ECPAS: variants seen among roughly 807,000 people sequenced by gnomAD.
ECPAS encodes proteasome adapter and scaffold protein ECM29.
A neutral mutation model predicts 255.1 loss-of-function variants in ECPAS; 70 were observed. The observed-to-expected ratio is 0.27, with a 90% CI of 0.23 to 0.33. The LOEUF is 0.33. Among genes scored for constraint, ECPAS ranks in the 10% least tolerant of loss-of-function variants. The pLI, the probability that ECPAS is intolerant of heterozygous loss-of-function variation, is 1.00. For missense variants in ECPAS, 1,817 were observed against 2,206.4 expected, an observed-to-expected ratio of 0.82 and a Z score of 3.54; for synonymous variants, 784 against 775.0, an observed-to-expected ratio of 1.01 and a Z score of -0.19.
In ECPAS at chr9:111,472,898, T is replaced by A. The variant is rs1221509121; in HGVS notation, c.21A>T (p.Arg7Ser). Residue 7 changes from arginine to serine, a missense_variant and splice_region_variant, in exon 2 of 50, where the codon AGA becomes AGT. Physicochemically the swap from Arg to Ser is moderately radical, Grantham distance 110. Coordinates refer to ENST00000684092, the MANE Select transcript of ECPAS (RefSeq NM_001364929.1). ...TCCTAAGGAACTAAATCTACTAACC[T>A]CTACAATCAATGTGATACATGGTTT... Reference protein sequence around the residue: MYHIDCRDQLERVFLRL... With the variant: MYHIDCSDQLERVFLRL... 2 of 1,211,332 alleles carry A rather than the reference T, an allele frequency of 1.7e-6. No individual in the cohort carries two copies. Among genetic ancestry groups the A allele is most frequent in the African/African-American group, 1.6e-5 (1 of 62,206 alleles). 75.0% of individuals were successfully genotyped at this position (1,211,332 alleles called of 1,614,324 possible). A position where few individuals can be genotyped will look rare whatever the true frequency, so the allele number is the denominator to read the frequency against.
chr9:111,369,521 G>C (rs186461100), intron 45 of ECPAS, among the ~76,000 whole-genome samples: 1 of 152,184 alleles, frequency 6.6e-6, no homozygotes. Flanking sequence ...TAGAGAAACA[G>C]AGGCTAAGAG....
At chr9:111,402,650 T>C (rs1033921689) in intron 24 of ECPAS, among the ~76,000 whole-genome samples, 9 of 152,070 alleles carry the variant, frequency 5.9e-5, no homozygotes, top group Non-Finnish European at 1.3e-4. Flanking sequence ...AAGATACAAG[T>C]TGAGAAAACA....
At chr9:111,483,518 G>C in intron 1 of ECPAS, 5 of 979,150 alleles carry the variant, frequency 5.1e-6, no homozygotes, top group Non-Finnish European at 6.0e-6. Flanking sequence ...CTCATCCTGG[G>C]AGGCGGAGGC....
intron 10 of ECPAS, among the ~76,000 whole-genome samples, chr9:111,426,426 T>C (rs974002540): frequency 4.6e-5 from 7 of 151,602 alleles, no homozygotes; most frequent in Non-Finnish European, 7.4e-5. Context: ...AGTATTCTGA[T>C]CTTATTTAAC....
In ECPAS at chr9:111,373,952, A is replaced by G. The variant is rs763692284; in HGVS notation, c.4177+20T>C. The G allele has an allele frequency of 1.8e-5, 28 of 1,589,862 alleles. No individual in the cohort carries two copies. The highest frequency in any genetic ancestry group is 6.9e-6 in the Non-Finnish European group (8 of 1,158,102). Reference sequence around the variant, plus strand: ...CAGGGCTGTGCAAAAATATCACCACACATCCCTTGACAAACTCACCTGAGT... The same window carrying G: ...CAGGGCTGTGCAAAAATATCACCACGCATCCCTTGACAAACTCACCTGAGT... On this transcript the variant is annotated intron_variant, in intron 39 of 49. Transcript: ENST00000684092.
Position 111,425,757 on chromosome 9 carries a change from A to G in ECPAS, c.1122T>C (p.His374=), listed in dbSNP as rs2098220627. The change falls in exon 11 of 50, where the codon CAT becomes CAC. Residue 374 remains histidine, a synonymous_variant. Coordinates refer to ENST00000684092, the MANE Select transcript of ECPAS (RefSeq NM_001364929.1). ...TAAAGACTTACGTTATACAAATATG[A>G]TGCACAAATTGCAGGGATAATGTTC... The part of the protein sequence containing the change: ...KLRTLSLQFV[H]HICITCPEIK... The G allele has an allele frequency of 6.3e-7, 1 of 1,575,744 alleles. No homozygotes were observed.
intron 1 of ECPAS, among the ~76,000 whole-genome samples, chr9:111,478,767 T>C (rs186694956): frequency 1.3e-5 from 2 of 152,330 alleles, no homozygotes; most frequent in Admixed American, 1.3e-4. Flanking sequence ...ACATATGATA[T>C]TACTTTAGTA....
chr9:111,461,889 T>C (rs772021084), intron 2 of ECPAS, among the ~76,000 whole-genome samples: 9 of 152,150 alleles, frequency 5.9e-5, no homozygotes, highest in Non-Finnish European at 1.2e-4. Flanking sequence ...AGGGACAGCT[T>C]GTACAGGCAA....
chr9:111,479,190 A>T (rs1392898361), intron 1 of ECPAS, among the ~76,000 whole-genome samples: 2 of 152,214 alleles, frequency 1.3e-5, no homozygotes, highest in Non-Finnish European at 2.9e-5. Context: ...AGCATTTAAA[A>T]CAATGCTGGT....
Position 111,433,341 on chromosome 9 carries a change from G to C in ECPAS, c.740C>G (p.Ala247Gly), listed in dbSNP as rs752689961. 1 of 1,614,012 alleles carries C rather than the reference G, an allele frequency of 6.2e-7. No individual in the cohort carries two copies. The highest frequency in any genetic ancestry group is 8.5e-7 in the Non-Finnish European group (1 of 1,179,858). Residue 247 changes from alanine (A) to glycine (G), a missense_variant, in exon 8 of 50, where the codon GCT (alanine) becomes GGT (glycine). Ala to Gly is a moderately conservative substitution (Grantham distance 60, BLOSUM62 0). This residue lies in a region of ECPAS where 573 missense variants were observed against 716.2 expected (regional missense o/e 0.80). Transcript: ENST00000684092. ...AGCTTCAAGTTCAGGCACCTGTTCAGCTTCTATGAATTTCACGATTCCCAA... is the reference window on the plus strand; with the variant it reads ...AGCTTCAAGTTCAGGCACCTGTTCACCTTCTATGAATTTCACGATTCCCAA... ...CKLGIVKFIE[A>G]EQVPELEAVL...
intron 25 of ECPAS, among the ~76,000 whole-genome samples, chr9:111,395,602 A>C (rs1052681365): frequency 6.6e-6 from 1 of 152,170 alleles, no homozygotes; most frequent in African/African-American, 2.4e-5. Flanking sequence ...TTGAGGCAAT[A>C]CAAGAGTTCA....
At chr9:111,470,316 C>CT (rs1011956272) in intron 2 of ECPAS, among the ~76,000 whole-genome samples, 2,452 of 143,410 alleles carry the variant, frequency 0.017, 68 homozygotes, top group African/African-American at 0.056. Context: ...TTTCCCTGGC[C>CT]TTTTTTTTTT....
At chr9:111,395,761 C>T (rs943691177) in intron 25 of ECPAS, among the ~76,000 whole-genome samples, 3 of 152,176 alleles carry the variant, frequency 2.0e-5, no homozygotes, top group African/African-American at 7.2e-5. Context: ...CTGTTACCAC[C>T]TCTCACATGC....
At chr9:111,430,478 T>A (rs753514451) in intron 9 of ECPAS, 69 bp downstream of exon 9, 22 of 917,390 alleles carry the variant, frequency 2.4e-5, no homozygotes, top group Non-Finnish European at 3.8e-5. Context: ...GAAGAAAATG[T>A]ATAAATACGC....
At position 111,425,379 on chromosome 9, in the gene ECPAS, T is replaced by C. The variant is rs1332775; in HGVS notation, c.1215+39A>G. On this transcript the variant is annotated intron_variant, in intron 12 of 49. Transcript: ENST00000684092. ...AAATATTATAGAAAATACTTTAAGA[T>C]ATAAAATGTTGATAAAATTTAAAAG... 6.3e-6 allele frequency: 8 copies of C among 1,274,714 alleles called. No individual in the cohort carries two copies. In the East Asian group the frequency reaches 1.0e-4, roughly 16 times the overall value. 79.0% of individuals were successfully genotyped at this position (1,274,714 alleles called of 1,614,324 possible).
intron 2 of ECPAS, among the ~76,000 whole-genome samples, chr9:111,465,938 G>A (rs190050269): frequency 5.9e-5 from 9 of 151,932 alleles, no homozygotes; most frequent in African/African-American, 9.7e-5. Context: ...GGGGGCTGAG[G>A]TGGGAAAATC....
In ECPAS at chr9:111,362,267, T is replaced by C. The variant is rs181206006; in HGVS notation, c.5381-98A>G. ...TTATAGAACAAGCAAGAAAAAAATT[T>C]AAAAATATCCTATCCCCCAAATAAA... On this transcript the variant is annotated intron_variant, in intron 49 of 49. Coordinates refer to ENST00000684092, the MANE Select transcript of ECPAS (RefSeq NM_001364929.1). 110 of 1,001,410 alleles carry C rather than the reference T, an allele frequency of 1.1e-4. No homozygotes were observed. In the African/African-American group the frequency reaches 1.7e-3, roughly 15 times the overall value. 62.0% of individuals were successfully genotyped at this position (1,001,410 alleles called of 1,614,324 possible). A position where few individuals can be genotyped will look rare whatever the true frequency, so the allele number is the denominator to read the frequency against.
chr9:111,481,942 G>C (rs1410659061), intron 1 of ECPAS, among the ~76,000 whole-genome samples: 1 of 152,202 alleles, frequency 6.6e-6, no homozygotes, highest in South Asian at 2.1e-4. Flanking sequence ...GGGCCGAAGG[G>C]AGGAGGGAAT....
At chr9:111,382,898 T>C (rs2098142447) in intron 35 of ECPAS, among the ~76,000 whole-genome samples, 1 of 152,304 alleles carries the variant, frequency 6.6e-6, no homozygotes, top group Admixed American at 6.5e-5. Flanking sequence ...TCTAATAATC[T>C]GTGAAATATT....
Sources: allele counts gnomAD v4.1 joint callset (sites outside exome capture counted in the v4.1 genomes callset), GRCh38; gene constraint gnomAD v4.1.1; regional missense constraint gnomAD v4.1.1; transcripts MANE v1.5; gene names NCBI Gene and HGNC (gene_info 2026-07-23, HGNC 2026-07-21).